AGAP9: variants seen among roughly 807,000 people sequenced by gnomAD.
The protein encoded by AGAP9 is arf-GAP with GTPase, ANK repeat and PH domain-containing protein 9.
In AGAP9, 23 loss-of-function variants were observed where a neutral mutation model predicts 55.6. That is an observed-to-expected ratio of 0.41 (90% CI 0.30 to 0.59). AGAP9 has a LOEUF of 0.59. Among genes scored for constraint, AGAP9 ranks in the 20% least tolerant of loss-of-function variants. The pLI is 0.25. For missense variants in AGAP9, 309 were observed against 808.1 expected, an observed-to-expected ratio of 0.38 and a Z score of 7.49; for synonymous variants, 120 against 305.0, an observed-to-expected ratio of 0.39 and a Z score of 6.32.
intron 6 of AGAP9, among the ~76,000 whole-genome samples, chr10:47,505,471 T>G (rs1402363030): frequency 7.2e-6 from 1 of 138,410 alleles, no homozygotes; most frequent in Non-Finnish European, 1.6e-5. Context: ...TCTGAATAAG[T>G]GGAAAGTTAA....
At position 47,502,998 on chromosome 10, in the gene AGAP9, G is replaced by A. The variant is rs1434910396; in HGVS notation, c.1131C>T (p.Phe377=). The A allele has an allele frequency of 6.3e-7, 1 of 1,577,126 alleles. No individual in the cohort carries two copies. The highest frequency in any genetic ancestry group is 8.6e-7 in the Non-Finnish European group (1 of 1,159,402). ...TGGTGGTGCTGGAGATACCGGGGCT[G>A]AAGCATATGGAGTCACCCAGCCCGG... ...MDTGLGDSIC[F]SPGISSTTSP... is the part of the protein sequence containing the mutation. Residue 377 remains phenylalanine (F), a synonymous_variant, in exon 8 of 8, where the codon TTC becomes TTT. Coordinates refer to ENST00000452145, the MANE Select transcript of AGAP9 (RefSeq NM_001190810.1).
intron 4 of AGAP9, among the ~76,000 whole-genome samples, chr10:47,510,691 G>A (rs1322301878): frequency 2.5e-5 from 3 of 119,156 alleles, no homozygotes; most frequent in East Asian, 7.9e-4. Context: ...TTAGCCGGGC[G>A]TGGTAGCAGG....
rs1840521534 is a variant in AGAP9, at chr10:47,508,121, A to G, written c.498-538T>C. On this transcript the variant is annotated intron_variant, in intron 5 of 7. Coordinates refer to ENST00000452145, the MANE Select transcript of AGAP9 (RefSeq NM_001190810.1). ...CTCTTGTTGCCCAGGCTGGAGTGCA[A>G]TGGTGTGATCTCGGCTCACCACAAC... is the stretch of plus-strand genomic sequence containing the variant. Among the ~76,000 whole-genome samples the G allele has an allele frequency of 2.5e-5, 3 of 120,918 alleles. No homozygotes were observed. The Admixed American group carries it at 2.7e-4, about 11-fold the overall frequency. The allele number at this position is 120,918 out of a possible 152,430, so 79.3% of individuals were successfully genotyped here.
intron 5 of AGAP9, among the ~76,000 whole-genome samples, chr10:47,508,935 CA>C (rs1297980595): frequency 2.3e-5 from 3 of 128,150 alleles, no homozygotes; most frequent in Non-Finnish European, 4.7e-5. Flanking sequence ...GACAACAGTG[CA>C]CTACTGATTC....
In AGAP9 at chr10:47,515,813, C is replaced by G. The variant is rs1453559784; in HGVS notation, c.396+2010G>C. ...AGATCCCCAGATAATACACTGAGGT[C>G]TCCCAAATGAAAAGCTAGTCAGGCT... On this transcript the variant is annotated intron_variant, in intron 4 of 7. Coordinates refer to ENST00000452145, the MANE Select transcript of AGAP9 (RefSeq NM_001190810.1). 1.1e-4 allele frequency among the ~76,000 whole-genome samples: 14 copies of G among 125,564 alleles called. 3 individuals carry two copies. Among genetic ancestry groups the G allele is most frequent in the African/African-American group, 4.1e-4 (14 of 33,758 alleles). 82.4% of individuals were successfully genotyped at this position (125,564 alleles called of 152,430 possible). A position where few individuals can be genotyped will look rare whatever the true frequency, so the allele number is the denominator to read the frequency against.
intron 6 of AGAP9, among the ~76,000 whole-genome samples, chr10:47,506,749 C>T (rs1237811609): frequency 1.0e-4 from 15 of 145,248 alleles, no homozygotes; most frequent in African/African-American, 3.7e-4. Context: ...AAGCGGTTCT[C>T]CTGCCTCAGC....
In AGAP9 at chr10:47,502,401, A is replaced by T. The variant is rs1247418370; in HGVS notation, c.1728T>A (p.Phe576Leu). ...GCTCAGTGCAGGGTAGTGGGGCCAG[A>T]AAGAGCTTCTCCTCATATTTGGAAC... ...WIRSKYEEKL[F>L]LAPLPCTELS... The change falls in exon 8 of 8, where the codon TTT (phenylalanine) becomes TTA (leucine). Residue 576 changes from phenylalanine to leucine, a missense_variant. Phe to Leu is a conservative substitution (Grantham distance 22). Coordinates refer to ENST00000452145, the MANE Select transcript of AGAP9 (RefSeq NM_001190810.1). The T allele has an allele frequency of 1.5e-4, 249 of 1,610,310 alleles. 4 individuals are homozygous for T. The South Asian group carries it at 2.4e-3, about 16-fold the overall frequency.
chr10:47,502,178 C>A lies in AGAP9; in HGVS notation c.1951G>T (p.Glu651Ter). ...QLLTGWTSWP[E>*]MPTGTQR ...CAGCGCTGTGTTCCCGTGGGCATCTCGGGCCATGACGTCCACCCCGTCAGG... is the reference window on the plus strand; with the variant it reads ...CAGCGCTGTGTTCCCGTGGGCATCTAGGGCCATGACGTCCACCCCGTCAGG... Residue 651 changes from glutamate (E) to a stop codon, truncating the protein, a stop_gained, in exon 8 of 8, where the codon GAG becomes TAG. Transcript: ENST00000452145. LOFTEE classifies it high-confidence loss of function. 1 of 1,547,772 alleles carries A rather than the reference C, an allele frequency of 6.5e-7. No individual in the cohort carries two copies.
chr10:47,511,465 G>A (rs1840623003), intron 4 of AGAP9, among the ~76,000 whole-genome samples: 1 of 126,912 alleles, frequency 7.9e-6, no homozygotes, highest in African/African-American at 3.0e-5. Flanking sequence ...GGTTTCTCTA[G>A]TCCTATTTTC....
At position 47,521,428 on chromosome 10, in the gene AGAP9, A is replaced by G. The variant is rs1475591049; in HGVS notation, c.293-861T>C. Among the ~76,000 whole-genome samples the G allele has an allele frequency of 1.4e-5, 2 of 140,156 alleles. 1 individual carries two copies. Among genetic ancestry groups the G allele is most frequent in the Non-Finnish European group, 3.1e-5 (2 of 65,048 alleles). The allele number at this position is 140,156 out of a possible 152,430, so 91.9% of individuals were successfully genotyped here. A position where few individuals can be genotyped will look rare whatever the true frequency, so the allele number is the denominator to read the frequency against. ...CTTGAAATGTGAAGATAGTACTTCC[A>G]AGTTACAAAGTCACACTCATAATGA... On this transcript the variant is annotated intron_variant, in intron 2 of 7. Coordinates refer to ENST00000452145, the MANE Select transcript of AGAP9 (RefSeq NM_001190810.1).
At chr10:47,516,592 C>T (rs1178034575) in intron 4 of AGAP9, among the ~76,000 whole-genome samples, 3 of 138,440 alleles carry the variant, frequency 2.2e-5, no homozygotes, top group African/African-American at 8.3e-5. Context: ...ACAGCAGTTA[C>T]GTGAGATCCC....
Position 47,502,264 on chromosome 10 carries a change from C to A in AGAP9, c.1865G>T (p.Gly622Val). 2 of 1,597,624 alleles carry A rather than the reference C, an allele frequency of 1.3e-6. No individual in the cohort carries two copies. The part of the protein sequence containing the change: ...REEVNETCGE[G>V]DGCTALHLAC... ...CAGATGGAGTGCCGTGCAGCCGTCT[C>A]CCTCCCCACAGGTCTCGTTCACCTC... is the stretch of plus-strand genomic sequence containing the variant. The change falls in exon 8 of 8, where the codon GGA (glycine) becomes GTA (valine). Residue 622 changes from glycine to valine, a missense_variant. Physicochemically the swap from Gly to Val is moderately radical, Grantham distance 109. Coordinates refer to ENST00000452145, the MANE Select transcript of AGAP9 (RefSeq NM_001190810.1).
intron 2 of AGAP9, among the ~76,000 whole-genome samples, chr10:47,522,088 A>G (rs1489287993): frequency 6.7e-6 from 1 of 149,848 alleles, no homozygotes; most frequent in Non-Finnish European, 1.5e-5. Flanking sequence ...AGCCCAGCCA[A>G]AACTGTAACT....
At position 47,513,737 on chromosome 10, in the gene AGAP9, C is replaced by T. The variant is rs1214965063; in HGVS notation, c.397-3466G>A. On this transcript the variant is annotated intron_variant, in intron 4 of 7. Transcript: ENST00000452145. ...GAGAACCCAGAAATAAACTCAAATA[C>T]CTATAGCCAACTGATTTTCAACAAA... Among the ~76,000 whole-genome samples, 6 of 138,930 alleles carry T rather than the reference C, an allele frequency of 4.3e-5. 1 individual carries two copies. The highest frequency in any genetic ancestry group is 1.6e-4 in the African/African-American group (6 of 38,372). 91.1% of individuals were successfully genotyped at this position (138,930 alleles called of 152,430 possible).
chr10:47,516,593 G>A lies in AGAP9; in HGVS notation c.396+1230C>T, dbSNP rs1471256136. 9.4e-5 allele frequency among the ~76,000 whole-genome samples: 13 copies of A among 138,730 alleles called. 3 individuals carry two copies. The highest frequency in any genetic ancestry group is 2.5e-4 in the African/African-American group (9 of 36,284). 91.0% of individuals were successfully genotyped at this position (138,730 alleles called of 152,430 possible). A position where few individuals can be genotyped will look rare whatever the true frequency, so the allele number is the denominator to read the frequency against. On this transcript the variant is annotated intron_variant, in intron 4 of 7. Transcript: ENST00000452145. ...AGATCCCACACAAGACAGCAGTTAC[G>A]TGAGATCCCAAAAGACTTTAAGGAG...
Position 47,516,023 on chromosome 10 carries a change from T to G in AGAP9, c.396+1800A>C, listed in dbSNP as rs1840709913. ...TTAAAAAAAAAATCTTAAAACACTC[T>G]CAAAAAATATAAAATTCAATAGAAA... On this transcript the variant is annotated intron_variant, in intron 4 of 7. Coordinates refer to ENST00000452145, the MANE Select transcript of AGAP9 (RefSeq NM_001190810.1). Among the ~76,000 whole-genome samples, 14 of 129,792 alleles carry G rather than the reference T, an allele frequency of 1.1e-4. 1 individual carries two copies. The highest frequency in any genetic ancestry group is 3.2e-5 in the Non-Finnish European group (2 of 62,410). The allele number at this position is 129,792 out of a possible 152,430, so 85.1% of individuals were successfully genotyped here.
Position 47,502,440 on chromosome 10 carries a change from C to A in AGAP9, c.1689G>T (p.Lys563Asn). 6.2e-7 allele frequency: 1 copy of A among 1,612,130 alleles called. No homozygotes were observed. The highest frequency in any genetic ancestry group is 8.5e-7 in the Non-Finnish European group (1 of 1,179,900). Residue 563 changes from lysine (K) to asparagine (N), a missense_variant, in exon 8 of 8, where the codon AAG (lysine) becomes AAT (asparagine). Lys to Asn is a moderately conservative substitution (Grantham distance 94). Transcript: ENST00000452145. ...KPSIKSTREE[K>N]EWWIRSKYEE... is the part of the protein sequence containing the mutation. Reference sequence around the variant, plus strand: ...CATATTTGGAACGGATCCACCATTCCTTCTCTTCCCTCGTGGACTTTATTG... The same window carrying A: ...CATATTTGGAACGGATCCACCATTCATTCTCTTCCCTCGTGGACTTTATTG...
chr10:47,510,037 T>C (rs1840571308), intron 5 of AGAP9, 134 bp downstream of exon 5: 1 of 1,479,578 alleles, frequency 6.8e-7, no homozygotes, highest in South Asian at 1.2e-5. Context: ...AAACTGATAC[T>C]TAATATTCAG....
At chr10:47,503,726 C>A (rs1306615997) in intron 7 of AGAP9, among the ~76,000 whole-genome samples, 183 bp from the exon 8 acceptor site, 1 of 115,608 alleles carries the variant, frequency 8.6e-6, no homozygotes, top group Admixed American at 9.1e-5. Flanking sequence ...GAGTTCAAGA[C>A]CATCCTGGCC....
Sources: allele counts gnomAD v4.1 joint callset (sites outside exome capture counted in the v4.1 genomes callset), GRCh38; gene constraint gnomAD v4.1.1; transcripts MANE v1.5; gene names NCBI Gene and HGNC (gene_info 2026-07-23, HGNC 2026-07-21).